The following NRXN1 variants were observed in gnomAD, a reference collection of about 807,000 sequenced individuals.
NRXN1 encodes neurexin-1.
A neutral mutation model predicts 150.9 loss-of-function variants in NRXN1; 39 were observed. That is an observed-to-expected ratio of 0.26 (90% CI 0.20 to 0.34). The LOEUF (loss-of-function observed/expected upper bound fraction) is 0.34, where lower values mean the gene tolerates loss of function less well. Ranked by LOEUF, NRXN1 falls within the 10% of genes least tolerant of loss-of-function variation. The probability of loss-of-function intolerance (pLI) is 1.00; values close to 1 mark genes in which losing one functional copy is unlikely to be tolerated. For missense variants in NRXN1, 1,815 were observed against 1,949.9 expected (o/e 0.93, Z 1.30); for synonymous variants, 924 against 757.0 (o/e 1.22, Z -3.62).
intron 5 of NRXN1, among the ~76,000 whole-genome samples, chr2:50,817,074 G>C (rs1163932699): frequency 6.6e-6 from 1 of 152,002 alleles, no homozygotes; most frequent in African/African-American, 2.4e-5. Context: ...ATGTTTTCAT[G>C]ACTGAATTTC....
chr2:50,791,936 T>C (rs937861781), intron 5 of NRXN1, among the ~76,000 whole-genome samples: 9 of 152,100 alleles, frequency 5.9e-5, no homozygotes, highest in Non-Finnish European at 1.2e-4. Flanking sequence ...CCATTCTACA[T>C]GGGCTTAAAG....
intron 18 of NRXN1, among the ~76,000 whole-genome samples, chr2:50,198,669 G>C (rs1016777807): frequency 1.3e-5 from 2 of 152,058 alleles, no homozygotes; most frequent in African/African-American, 2.4e-5. Flanking sequence ...CAAAGAAGCA[G>C]TCCTTTATTA....
intron 5 of NRXN1, among the ~76,000 whole-genome samples, chr2:50,854,158 C>T (rs1195600768): frequency 6.6e-6 from 1 of 151,990 alleles, no homozygotes; most frequent in Non-Finnish European, 1.5e-5. Flanking sequence ...TCTTTATTTT[C>T]CACTTTGAGA....
intron 12 of NRXN1, among the ~76,000 whole-genome samples, chr2:50,507,636 C>CAAAAA (rs71404959): frequency 2.4e-4 from 26 of 107,378 alleles, no homozygotes; most frequent in South Asian, 6.4e-4. Context: ...TCCGTCACCT[C>CAAAAA]AAAAAAAAAA....
intron 17 of NRXN1, among the ~76,000 whole-genome samples, chr2:50,407,509 C>T (rs568654170): frequency 2.6e-5 from 4 of 152,220 alleles, no homozygotes; most frequent in Admixed American, 6.5e-5. Context: ...CCAAAACTCA[C>T]GTTGAAATTT....
chr2:50,364,596 T>C lies in NRXN1; in HGVS notation c.3364+100846A>G, dbSNP rs369469879. ...CTCCTGTATAATCACAGTTGTCCAA[T>C]TGAGACCTGATGATCTTATCAGTCA... On this transcript the variant is annotated intron_variant, in intron 17 of 22. Coordinates refer to ENST00000401669, the MANE Select transcript of NRXN1 (RefSeq NM_001330078.2). Among the ~76,000 whole-genome samples, 362 of 152,264 alleles carry C rather than the reference T, an allele frequency of 2.4e-3. 2 individuals are homozygous for C. The highest frequency in any genetic ancestry group is 0.017 in the Middle Eastern group (5 of 294).
At chr2:49,995,938 C>CA (rs1419036824) in intron 21 of NRXN1, among the ~76,000 whole-genome samples, 2 of 143,664 alleles carry the variant, frequency 1.4e-5, no homozygotes, top group Admixed American at 1.4e-4. Flanking sequence ...ATGACTCTGT[C>CA]AAAATGACAG....
At chr2:50,306,077 T>C (rs1470507829) in intron 17 of NRXN1, among the ~76,000 whole-genome samples, 2 of 152,164 alleles carry the variant, frequency 1.3e-5, no homozygotes, top group Non-Finnish European at 2.9e-5. Context: ...AAATCAAACC[T>C]AACACCAAAC....
intron 18 of NRXN1, among the ~76,000 whole-genome samples, chr2:50,135,483 G>C (rs57558675): frequency 0.011 from 1,637 of 152,168 alleles, 39 homozygotes; most frequent in African/African-American, 0.038. Context: ...ACGAGGTCAG[G>C]AGATCCAGAC....
At chr2:50,773,053 G>C (rs1241066263) in intron 5 of NRXN1, among the ~76,000 whole-genome samples, 1 of 152,102 alleles carries the variant, frequency 6.6e-6, no homozygotes, top group African/African-American at 2.4e-5. Flanking sequence ...GGAACTATTA[G>C]ATCCCAGTAA....
intron 21 of NRXN1, among the ~76,000 whole-genome samples, chr2:49,954,569 AAGAG>A (rs773811076): frequency 2.0e-5 from 3 of 152,138 alleles, no homozygotes; most frequent in Non-Finnish European, 4.4e-5. Flanking sequence ...AAAGGAGAGA[AAGAG>A]AGAGAAAAAG....
chr2:50,072,422 C>T (rs1342827051), intron 19 of NRXN1, among the ~76,000 whole-genome samples: 1 of 151,410 alleles, frequency 6.6e-6, no homozygotes, highest in Non-Finnish European at 1.5e-5. Flanking sequence ...TGTGAGATCC[C>T]AAAAGATACA....
At chr2:50,601,798 ATT>A (rs1180787178) in intron 8 of NRXN1, among the ~76,000 whole-genome samples, 1 of 152,214 alleles carries the variant, frequency 6.6e-6, no homozygotes, top group Admixed American at 6.5e-5. Context: ...TTTAAATATC[ATT>A]AAAATGTACC....
intron 5 of NRXN1, among the ~76,000 whole-genome samples, chr2:50,884,556 A>G (rs962654265): frequency 6.6e-6 from 1 of 151,734 alleles, no homozygotes; most frequent in African/African-American, 2.4e-5. Context: ...TCATGTATTC[A>G]TGTTTTGCGG....
At chr2:50,463,277 G>A (rs927459502) in intron 17 of NRXN1, among the ~76,000 whole-genome samples, 1 of 151,774 alleles carries the variant, frequency 6.6e-6, no homozygotes, top group Non-Finnish European at 1.5e-5. Flanking sequence ...CGTCTTCAAA[G>A]TAACAATTGC....
chr2:50,216,234 T>G (rs1284606595), intron 18 of NRXN1, among the ~76,000 whole-genome samples: 2 of 151,840 alleles, frequency 1.3e-5, no homozygotes, highest in Non-Finnish European at 1.5e-5. Context: ...AATAAATAAT[T>G]AAATTAAATT....
At chr2:50,308,239 T>G (rs1283163175) in intron 17 of NRXN1, among the ~76,000 whole-genome samples, 1 of 152,130 alleles carries the variant, frequency 6.6e-6, no homozygotes, top group Admixed American at 6.5e-5. Flanking sequence ...TGTGTATACT[T>G]TTACTAATAT....
At position 50,703,911 on chromosome 2, in the gene NRXN1, C is replaced by G. The variant is rs76700752; in HGVS notation, c.833-80296G>C. ...GTTTCTACGTGGTAAAGGCAAGATT[C>G]ATATCCAGAGCTGGGCATTTTAAGT... On this transcript the variant is annotated intron_variant, in intron 5 of 22. Coordinates refer to ENST00000401669, the MANE Select transcript of NRXN1 (RefSeq NM_001330078.2). Among the ~76,000 whole-genome samples the G allele has an allele frequency of 3.4e-4, 51 of 152,110 alleles. 2 individuals are homozygous for G. The East Asian group carries it at 9.9e-3, about 29-fold the overall frequency.
At chr2:50,797,475 C>G (rs961902237) in intron 5 of NRXN1, among the ~76,000 whole-genome samples, 1 of 152,064 alleles carries the variant, frequency 6.6e-6, no homozygotes, top group Non-Finnish European at 1.5e-5. Flanking sequence ...AAACACAGAA[C>G]AGCATTCCCA....
Sources: gnomAD v4.1 joint callset for allele counts (sites outside exome capture counted in the v4.1 genomes callset) on GRCh38, gnomAD v4.1.1 for gene constraint, MANE v1.5 for transcripts, NCBI Gene and HGNC (gene_info 2026-07-23, HGNC 2026-07-21) for gene names.